The following THADA variants were observed in gnomAD, a reference collection of about 807,000 sequenced individuals.
THADA encodes the protein tRNA (32-2'-O)-methyltransferase regulator THADA.
In THADA, 213 loss-of-function variants were observed where a neutral mutation model predicts 219.8. The ratio of observed to expected loss-of-function variants is 0.97; its 90% CI spans 0.87 to 1.09. THADA has a LOEUF of 1.09. Among genes scored for constraint, THADA ranks in the 50% least tolerant of loss-of-function variants. The probability of loss-of-function intolerance (pLI) is 0.00; values close to 1 mark genes in which losing one functional copy is unlikely to be tolerated. For synonymous variants in THADA, 1,018 were observed against 828.9 expected (o/e 1.23, Z -3.92); for missense variants, 2,956 against 2,311.3 (o/e 1.28, Z -5.72).
At chr2:43,326,050 C>A (rs528635331) in intron 30 of THADA, among the ~76,000 whole-genome samples, 2 of 151,932 alleles carry the variant, frequency 1.3e-5, no homozygotes, top group South Asian at 4.1e-4. Context: ...TTATATCTTA[C>A]GCAGCTACTA....
chr2:43,514,935 G>T (rs1302771864), intron 22 of THADA, among the ~76,000 whole-genome samples: 1 of 51,104 alleles, frequency 2.0e-5, no homozygotes, highest in Non-Finnish European at 3.4e-5. Flanking sequence ...TATATTTTAC[G>T]TATATTTTAT....
At chr2:43,344,094 T>G (rs752400257) in intron 30 of THADA, 28 bp downstream of exon 30, 20 of 1,512,792 alleles carry the variant, frequency 1.3e-5, no homozygotes, top group Non-Finnish European at 1.8e-5. Context: ...CCCTGATAAC[T>G]CCTTGCTCAT....
intron 26 of THADA, among the ~76,000 whole-genome samples, chr2:43,477,243 T>TGAGAGA (rs372274663): frequency 3.4e-5 from 5 of 148,308 alleles, no homozygotes; most frequent in Admixed American, 6.7e-5. Context: ...ATATGTTCTT[T>TGAGAGA]GAGAGAGAGA....
In THADA at chr2:43,457,167, C is replaced by T. The variant is rs922698298; in HGVS notation, c.3837-26865G>A. ...ACACACACACACACACACACACACACACACACACACACACACATGCACAGT... is the reference window on the plus strand; with the variant it reads ...ACACACACACACACACACACACACATACACACACACACACACATGCACAGT... On this transcript the variant is annotated intron_variant, in intron 26 of 37. Coordinates refer to ENST00000405975, the MANE Select transcript of THADA (RefSeq NM_022065.5). Among the ~76,000 whole-genome samples, 10 of 120,124 alleles carry T rather than the reference C, an allele frequency of 8.3e-5. No individual in the cohort carries two copies. In the East Asian group the frequency reaches 1.8e-3, roughly 21 times the overall value. 78.8% of individuals were successfully genotyped at this position (120,124 alleles called of 152,430 possible).
chr2:43,511,882 G>A (rs756250786), intron 22 of THADA, among the ~76,000 whole-genome samples: 15 of 152,180 alleles, frequency 9.9e-5, no homozygotes, highest in African/African-American at 2.7e-4. Context: ...CATGTAGGTC[G>A]AATGGTGGAA....
chr2:43,486,928 C>T (rs753900170), intron 25 of THADA, among the ~76,000 whole-genome samples: 4 of 152,210 alleles, frequency 2.6e-5, no homozygotes, highest in Non-Finnish European at 5.9e-5. Context: ...AACCTCTCCT[C>T]TAGAAGCCCA....
chr2:43,310,219 C>CCTTT (rs1553382735), intron 31 of THADA, among the ~76,000 whole-genome samples: 5 of 87,024 alleles, frequency 5.7e-5, no homozygotes, highest in Admixed American at 1.1e-4. Flanking sequence ...CCCTCCCTCC[C>CCTTT]TTTCCCGCCC....
chr2:43,323,336 G>A lies in THADA; in HGVS notation c.4344-2796C>T, dbSNP rs151166186. Among the ~76,000 whole-genome samples the A allele has an allele frequency of 9.8e-3, 1,491 of 152,088 alleles. 25 individuals carry two copies. Among genetic ancestry groups the A allele is most frequent in the African/African-American group, 0.034 (1,417 of 41,494 alleles). On this transcript the variant is annotated intron_variant, in intron 30 of 37. Transcript: ENST00000405975. ...TTTAAAATTATTTTTGTAGAGATGG[G>A]GTCTTGTTATATTGTCTAGCCTGGG...
rs1309927873 is a variant in THADA, at chr2:43,248,212, G to C, written c.5297-15330C>G. On this transcript the variant is annotated intron_variant, in intron 36 of 37. Coordinates refer to ENST00000405975, the MANE Select transcript of THADA (RefSeq NM_022065.5). Reference sequence around the variant, plus strand: ...AGAGAGAGAGAGAGAGAGAGAGAGAGAGACAGAGAGAGAGAGAGACAGAGA... The same window carrying C: ...AGAGAGAGAGAGAGAGAGAGAGAGACAGACAGAGAGAGAGAGAGACAGAGA... 1.6e-4 allele frequency among the ~76,000 whole-genome samples: 22 copies of C among 133,348 alleles called. No individual in the cohort carries two copies. The South Asian group carries it at 2.2e-3, about 14-fold the overall frequency. The allele number at this position is 133,348 out of a possible 152,430, so 87.5% of individuals were successfully genotyped here.
intron 15 of THADA, among the ~76,000 whole-genome samples, chr2:43,561,132 G>T (rs1479413412): frequency 6.6e-6 from 1 of 151,632 alleles, no homozygotes; most frequent in Non-Finnish European, 1.5e-5. Flanking sequence ...AGATAAAGAA[G>T]GAATCTTTTG....
chr2:43,451,571 G>C (rs934023017), intron 26 of THADA, among the ~76,000 whole-genome samples: 2 of 152,144 alleles, frequency 1.3e-5, no homozygotes, highest in Non-Finnish European at 2.9e-5. Context: ...TAGTACATAG[G>C]AGGCATTAGT....
At chr2:43,371,047 C>G (rs569111833) in intron 29 of THADA, among the ~76,000 whole-genome samples, 1 of 152,212 alleles carries the variant, frequency 6.6e-6, no homozygotes, top group Non-Finnish European at 1.5e-5. Flanking sequence ...GAAGTGAACA[C>G]TGAAAAACAT....
chr2:43,409,316 A>T (rs559184574), intron 28 of THADA, among the ~76,000 whole-genome samples: 81 of 152,328 alleles, frequency 5.3e-4, no homozygotes, highest in Non-Finnish European at 8.4e-4. Flanking sequence ...TAAAAATAAT[A>T]AAGTACAAGG....
At chr2:43,588,167 T>C (rs1021133465) in intron 4 of THADA, among the ~76,000 whole-genome samples, 1 of 152,082 alleles carries the variant, frequency 6.6e-6, no homozygotes, top group African/African-American at 2.4e-5. Context: ...ATTCCAAATA[T>C]GTGGGCAAAG....
At chr2:43,590,283 T>G (rs755306555) in intron 4 of THADA, among the ~76,000 whole-genome samples, 1 of 152,136 alleles carries the variant, frequency 6.6e-6, no homozygotes, top group East Asian at 1.9e-4. Flanking sequence ...CATTTAAACA[T>G]AACCAATAAA....
intron 36 of THADA, among the ~76,000 whole-genome samples, chr2:43,241,316 T>C (rs890136899): frequency 1.3e-5 from 2 of 151,544 alleles, no homozygotes; most frequent in African/African-American, 2.4e-5. Flanking sequence ...CTTAAACTCC[T>C]GGGCTCAAGT....
intron 29 of THADA, among the ~76,000 whole-genome samples, chr2:43,370,802 C>T (rs761761291): frequency 1.6e-4 from 25 of 152,190 alleles, no homozygotes; most frequent in Non-Finnish European, 3.1e-4. Context: ...TAATGAGATT[C>T]ATCCCTGAAA....
At chr2:43,506,271 T>A (rs1268651084) in intron 23 of THADA, among the ~76,000 whole-genome samples, 1 of 152,142 alleles carries the variant, frequency 6.6e-6, no homozygotes, top group East Asian at 1.9e-4. Flanking sequence ...CAAAAAGAAA[T>A]ACTGCAAACA....
Position 43,541,243 on chromosome 2 carries a change from A to C in THADA, c.3180T>G (p.Val1060=), listed in dbSNP as rs1695263342. 1.2e-6 allele frequency: 2 copies of C among 1,612,360 alleles called. No homozygotes were observed. Among genetic ancestry groups the C allele is most frequent in the East Asian group, 4.5e-5 (2 of 44,778 alleles). The change falls in exon 21 of 38, where the codon GTT becomes GTG. Residue 1060 remains valine, a synonymous_variant. Coordinates refer to ENST00000405975, the MANE Select transcript of THADA (RefSeq NM_022065.5). ...LVCCWRSMKE[V]ALLLGMLCQL... is the part of the protein sequence containing the mutation. ...GGCACAACATGCCTAAAAGTAAAGC[A>C]ACTTCCTTCATACTTCTCCAACAAC...
Sources: allele counts gnomAD v4.1 joint callset (sites outside exome capture counted in the v4.1 genomes callset), GRCh38; gene constraint gnomAD v4.1.1; transcripts MANE v1.5; gene names NCBI Gene and HGNC (gene_info 2026-07-23, HGNC 2026-07-21).